PRDM10: variants seen among roughly 807,000 people sequenced by gnomAD.
The protein encoded by PRDM10 is PR domain zinc finger protein 10.
In PRDM10, 65 loss-of-function variants were observed where a neutral mutation model predicts 133.1. The ratio of observed to expected loss-of-function variants is 0.49; its 90% confidence interval spans 0.40 to 0.60. The LOEUF is 0.60. Among genes scored for constraint, PRDM10 ranks in the 20% least tolerant of loss-of-function variants. PRDM10 has a pLI of 0.00. For missense variants in PRDM10, 1,137 were observed against 1,507.1 expected (o/e 0.75, Z 4.07); for synonymous variants, 582 against 580.4 (o/e 1.00, Z -0.04).
rs78216910 is a variant in PRDM10 at position 129,905,460 on chromosome 11, C to T, written c.3267+178G>A. Among the ~76,000 whole-genome samples the T allele has an allele frequency of 2.2e-3, 338 of 151,742 alleles. 14 individuals carry two copies. In the East Asian group the frequency reaches 0.058, roughly 26 times the overall value. ...TTATTGAGCATTTGCTATATCCTAG[C>T]CTCCTGGACAGGGCACTGAGGATAA... On this transcript the variant is annotated intron_variant, in intron 20 of 20. Coordinates refer to ENST00000360871, the MANE Select transcript of PRDM10 (RefSeq NM_199437.2).
chr11:129,955,585 C>G lies in PRDM10; in HGVS notation c.235-14G>C. 6.2e-7 allele frequency: 1 copy of G among 1,612,470 alleles called. No homozygotes were observed. The highest frequency in any genetic ancestry group is 8.5e-7 in the Non-Finnish European group (1 of 1,179,210). On this transcript the variant is annotated splice_polypyrimidine_tract_variant and intron_variant, in intron 3 of 20. Coordinates refer to ENST00000360871, the MANE Select transcript of PRDM10 (RefSeq NM_199437.2). ...TGTAAACAGAGTCTAAACAAACAAACGAACAAAAAATTATCAGTAGCTCTT... is the reference window on the plus strand; with the variant it reads ...TGTAAACAGAGTCTAAACAAACAAAGGAACAAAAAATTATCAGTAGCTCTT...
In PRDM10 at chr11:129,944,924, C is replaced by T; in HGVS notation, c.609G>A (p.Arg203=). The T allele has an allele frequency of 3.7e-6, 6 of 1,613,926 alleles. No homozygotes were observed. The highest frequency in any genetic ancestry group is 4.2e-6 in the Non-Finnish European group (5 of 1,179,988). The change falls in exon 6 of 21, where the codon CGG becomes CGA. Residue 203 remains arginine (R), a synonymous_variant. Coordinates refer to ENST00000360871, the MANE Select transcript of PRDM10 (RefSeq NM_199437.2). ...HPIPNRPVLT[R]ARASLPLVLY... ...GCACCAGGGGGAGGCTCGCCCTGGC[C>T]CGGGTGAGCACCGGCCGGTTGGGGA...
intron 1 of PRDM10, among the ~76,000 whole-genome samples, chr11:129,990,517 G>C (rs1293544974): frequency 1.1e-5 from 1 of 92,078 alleles, no homozygotes; most frequent in African/African-American, 4.8e-5. Context: ...GTGAGACTTT[G>C]TCTCCAAAAA....
In PRDM10 at chr11:129,918,400, C is replaced by T; in HGVS notation, c.2214+139G>A. ...AGAACTCCAAATTGGGAATCGTTTG[C>T]CTCTGTTTCTTCCCCTGGACATTGA... On this transcript the variant is annotated intron_variant, in intron 14 of 20. Transcript: ENST00000360871. This position sits in a 1 kb window ranked among gnomAD's most constrained non-coding sequence, Gnocchi z 5.3. 1 of 1,042,128 alleles carries T rather than the reference C, an allele frequency of 9.6e-7. No individual in the cohort carries two copies. Among genetic ancestry groups the T allele is most frequent in the Non-Finnish European group, 1.3e-6 (1 of 782,456 alleles). The allele number at this position is 1,042,128 out of a possible 1,614,324, so 64.6% of individuals were successfully genotyped here.
intron 1 of PRDM10, among the ~76,000 whole-genome samples, chr11:129,993,183 T>C (rs1938842741): frequency 6.6e-6 from 1 of 152,220 alleles, no homozygotes; most frequent in Non-Finnish European, 1.5e-5. Flanking sequence ...TTTCCTTCAT[T>C]AACATGGTTG....
At chr11:129,986,780 T>A (rs1938462191) in intron 1 of PRDM10, among the ~76,000 whole-genome samples, 1 of 152,118 alleles carries the variant, frequency 6.6e-6, no homozygotes. Flanking sequence ...TGAGGGAAGT[T>A]ACTTTTCAAG....
intron 15 of PRDM10, 83 bp downstream of exon 15, chr11:129,917,044 G>A (rs1485455545): frequency 2.3e-5 from 21 of 922,472 alleles, no homozygotes; most frequent in Admixed American, 8.4e-5. Context: ...CAAAAAAATC[G>A]TAGTATATAT....
chr11:129,952,228 C>T (rs926362210), intron 4 of PRDM10, among the ~76,000 whole-genome samples: 9 of 152,048 alleles, frequency 5.9e-5, no homozygotes, highest in African/African-American at 1.4e-4. Flanking sequence ...CAAATGGCAA[C>T]GAAGCCTTTA....
chr11:129,906,278 T>A (rs553750234), intron 19 of PRDM10, among the ~76,000 whole-genome samples: 1 of 152,200 alleles, frequency 6.6e-6, no homozygotes, highest in Non-Finnish European at 1.5e-5. Flanking sequence ...GGCAGAAAGC[T>A]TGTGAGACAG....
At chr11:129,953,206 G>C (rs570983846) in intron 4 of PRDM10, among the ~76,000 whole-genome samples, 1 of 152,106 alleles carries the variant, frequency 6.6e-6, no homozygotes, top group African/African-American at 2.4e-5. Flanking sequence ...TCAAACTCCT[G>C]ATCTCAGGTG....
At chr11:130,000,973 G>A (rs921791920) in intron 1 of PRDM10, among the ~76,000 whole-genome samples, 7 of 152,110 alleles carry the variant, frequency 4.6e-5, no homozygotes, top group Admixed American at 2.0e-4. Context: ...CAGGCGTGGT[G>A]GTGCACGCCT....
chr11:129,952,782 A>G (rs1051679583), intron 4 of PRDM10, among the ~76,000 whole-genome samples: 1 of 151,774 alleles, frequency 6.6e-6, no homozygotes, highest in African/African-American at 2.4e-5. Context: ...GGGATCCCAA[A>G]GTGCTGGGAT....
intron 2 of PRDM10, among the ~76,000 whole-genome samples, chr11:129,958,490 A>C (rs1002204554): frequency 3.3e-5 from 5 of 151,990 alleles, no homozygotes; most frequent in African/African-American, 1.2e-4. Flanking sequence ...AAAAAAATAC[A>C]AAAATTAGCT....
In PRDM10 at chr11:129,935,158, G is replaced by C. The variant is rs1345811167; in HGVS notation, c.1100C>G (p.Ser367Trp). ...ATTGAGATGCTGTTGCAACTGCTCC[G>C]AGCTTATAAATCGGCGGTTACATTC... Reference protein sequence around the residue: ...CYECNRRFISSEQLQQHLNSH... With the variant: ...CYECNRRFISWEQLQQHLNSH... The change falls in exon 9 of 21, where the codon TCG becomes TGG. Residue 367 changes from serine to tryptophan, a missense_variant. Transcript: ENST00000360871. 1.9e-6 allele frequency: 3 copies of C among 1,613,988 alleles called. No individual in the cohort carries two copies. Among genetic ancestry groups the C allele is most frequent in the East Asian group, 4.5e-5 (2 of 44,880 alleles).
intron 7 of PRDM10, among the ~76,000 whole-genome samples, chr11:129,942,062 AT>A (rs1951226857): frequency 6.6e-6 from 1 of 152,036 alleles, no homozygotes; most frequent in South Asian, 2.1e-4. Context: ...TGCTCGGCTA[AT>A]TTTTGTATTT....
chr11:129,937,991 C>T (rs1951087183), intron 7 of PRDM10, among the ~76,000 whole-genome samples: 1 of 152,186 alleles, frequency 6.6e-6, no homozygotes, highest in African/African-American at 2.4e-5. Flanking sequence ...TATTTAAACA[C>T]TGGTTTTTAC....
chr11:129,936,449 C>T (rs1227283378), intron 8 of PRDM10, among the ~76,000 whole-genome samples: 4 of 151,988 alleles, frequency 2.6e-5, no homozygotes, highest in East Asian at 1.9e-4. Context: ...GTCAGGAGAT[C>T]GAGACCATCC....
At chr11:129,962,045 C>T (rs1951807292) in intron 1 of PRDM10, among the ~76,000 whole-genome samples, 1 of 152,130 alleles carries the variant, frequency 6.6e-6, no homozygotes, top group Non-Finnish European at 1.5e-5. Flanking sequence ...GAGGGAGCTA[C>T]ATTTTCTGCG....
chr11:129,922,150 C>G (rs1052563774), intron 13 of PRDM10, among the ~76,000 whole-genome samples: 3 of 152,248 alleles, frequency 2.0e-5, no homozygotes, highest in Non-Finnish European at 2.9e-5. Flanking sequence ...GGCTTTGCTT[C>G]CCTGATTGAA....
Sources: allele counts gnomAD v4.1 joint callset (sites outside exome capture counted in the v4.1 genomes callset), GRCh38; gene constraint gnomAD v4.1.1; non-coding constraint Gnocchi (gnomAD v3.1); transcripts MANE v1.5; gene names NCBI Gene and HGNC (gene_info 2026-07-23, HGNC 2026-07-21).